The following PHKA1 variants were observed in gnomAD, a reference collection of about 807,000 sequenced individuals.
PHKA1 encodes phosphorylase b kinase regulatory subunit alpha, skeletal muscle isoform.
Under a neutral mutation model 110.2 loss-of-function variants are expected in PHKA1, and 60 were observed. The ratio of observed to expected loss-of-function variants is 0.54; its 90% CI spans 0.44 to 0.68. The LOEUF (loss-of-function observed/expected upper bound fraction) is 0.68, where lower values mean the gene tolerates loss of function less well. PHKA1 is among the 30% of genes least tolerant of loss of function. The pLI is 0.00. For missense variants in PHKA1, 801 were observed against 942.5 expected (o/e 0.85, Z 1.97); for synonymous variants, 316 against 333.6 (o/e 0.95, Z 0.58).
chrX:72,584,358 A>G, intron 29 of PHKA1, 56 bp from the exon 30 acceptor site: 1 of 1,039,605 alleles, frequency 9.6e-7, no homozygotes, highest in Non-Finnish European at 1.4e-6. Flanking sequence ...AGGATAGACA[A>G]ACAACGGGGA....
At chrX:72,586,815 C>T (rs967855422) in intron 29 of PHKA1, among the ~76,000 whole-genome samples, 4 of 109,058 alleles carry the variant, frequency 3.7e-5, no homozygotes, top group Non-Finnish European at 7.6e-5. Flanking sequence ...CTCAATCAAG[C>T]GGAAGAAAGG....
chrX:72,603,764 C>A (rs1236092938), intron 25 of PHKA1, among the ~76,000 whole-genome samples: 3 of 111,089 alleles, frequency 2.7e-5, no homozygotes, highest in Non-Finnish European at 5.7e-5. Flanking sequence ...GGTATGACGA[C>A]ATGATACCTA....
In PHKA1 at chrX:72,580,686, G is replaced by T; in HGVS notation, c.*316C>A. 3.2e-6 allele frequency: 1 copy of T among 317,391 alleles called. No individual in the cohort carries two copies. Among genetic ancestry groups the T allele is most frequent in the South Asian group, 5.4e-5 (1 of 18,369 alleles). 26.2% of individuals were successfully genotyped at this position (317,391 alleles called of 1,213,427 possible). On this transcript the variant is annotated 3_prime_UTR_variant, in exon 32 of 32. Coordinates refer to ENST00000373542, the MANE Select transcript of PHKA1 (RefSeq NM_002637.4). ...CAAACAGGAGTTAGAAAACTATATT[G>T]GTAACAGATCTAGAGAATAAAAACA...
At chrX:72,588,017 G>C (rs1189160830) in intron 29 of PHKA1, among the ~76,000 whole-genome samples, 1 of 111,549 alleles carries the variant, frequency 9.0e-6, no homozygotes, top group Non-Finnish European at 1.9e-5. Context: ...ATATTAGACA[G>C]ATCAATGAGA....
chrX:72,676,268 T>C, intron 5 of PHKA1, 118 bp from the exon 6 acceptor site: 1 of 475,093 alleles, frequency 2.1e-6, no homozygotes, highest in Admixed American at 3.3e-5. Flanking sequence ...GCCATATATA[T>C]ATATATATAC....
intron 14 of PHKA1, among the ~76,000 whole-genome samples, chrX:72,638,334 G>A (rs1603261283): frequency 2.0e-5 from 2 of 99,157 alleles, no homozygotes; most frequent in Non-Finnish European, 4.0e-5. Context: ...GAGCGCAAGA[G>A]TTTGTGACCA....
chrX:72,617,351 A>G (rs1322292266), intron 21 of PHKA1, among the ~76,000 whole-genome samples: 2 of 111,130 alleles, frequency 1.8e-5, no homozygotes, highest in African/African-American at 6.6e-5. Context: ...CCTCATTTCT[A>G]TAAATAATTA....
intron 12 of PHKA1, 77 bp from the exon 13 acceptor site, chrX:72,650,545 A>G: frequency 1.3e-6 from 1 of 784,792 alleles, no homozygotes; most frequent in Non-Finnish European, 1.9e-6. Flanking sequence ...CAACATCCCT[A>G]TGCCCATAAC....
At position 72,597,888 on chromosome X, in the gene PHKA1, G is replaced by T. The variant is rs1448669942; in HGVS notation, c.3072+4103C>A. On this transcript the variant is annotated intron_variant, in intron 28 of 31. Coordinates refer to ENST00000373542, the MANE Select transcript of PHKA1 (RefSeq NM_002637.4). Reference sequence around the variant, plus strand: ...CATAATCATAGACCTAAATAAAACAGCTAACTCTATAAAACCCTTAGAACA... The same window carrying T: ...CATAATCATAGACCTAAATAAAACATCTAACTCTATAAAACCCTTAGAACA... Among the ~76,000 whole-genome samples, 6 of 111,105 alleles carry T rather than the reference G, an allele frequency of 5.4e-5. No individual in the cohort carries two copies. The East Asian group carries it at 1.7e-3, about 31-fold the overall frequency.
At chrX:72,689,218 C>T (rs886368462) in intron 4 of PHKA1, among the ~76,000 whole-genome samples, 4 of 111,927 alleles carry the variant, frequency 3.6e-5, no homozygotes, top group South Asian at 3.7e-4. Context: ...ATATATTCAA[C>T]GGTTTTTAGT....
At chrX:72,619,569 G>A (rs782815060) in intron 19 of PHKA1, among the ~76,000 whole-genome samples, 1 of 112,216 alleles carries the variant, frequency 8.9e-6, no homozygotes, top group South Asian at 3.7e-4. Context: ...TTACTAATGT[G>A]ATTAATCCAC....
chrX:72,595,903 A>C (rs2052583735), intron 28 of PHKA1, among the ~76,000 whole-genome samples: 2 of 112,141 alleles, frequency 1.8e-5, no homozygotes, highest in Admixed American at 9.5e-5. Flanking sequence ...TCAAAAATTA[A>C]AAATAGAACT....
At chrX:72,669,469 T>A (rs1219561627) in intron 6 of PHKA1, among the ~76,000 whole-genome samples, 1 of 108,765 alleles carries the variant, frequency 9.2e-6, no homozygotes, top group Non-Finnish European at 1.9e-5. Flanking sequence ...CATGTTGGTG[T>A]GCTGCACCCA....
chrX:72,669,373 T>C (rs1341930397), intron 6 of PHKA1, among the ~76,000 whole-genome samples: 1 of 111,199 alleles, frequency 9.0e-6, no homozygotes, highest in Non-Finnish European at 1.9e-5. Context: ...GTTGTTGTTG[T>C]TGTTTTTAAT....
At chrX:72,695,979 A>G (rs1483139395) in intron 3 of PHKA1, 103 bp from the exon 4 acceptor site, 8 of 672,828 alleles carry the variant, frequency 1.2e-5, no homozygotes, top group Non-Finnish European at 1.9e-5. Flanking sequence ...GTGAAGATAC[A>G]CTATCTTCAG....
intron 18 of PHKA1, chrX:72,622,649 C>CT (rs2052996898): frequency 1.3e-6 from 1 of 750,410 alleles, no homozygotes; most frequent in Non-Finnish European, 1.6e-6. Context: ...ACTGAATAGG[C>CT]TTTTTCAAAC....
In PHKA1 at chrX:72,619,270, C is replaced by G. The variant is rs781968962; in HGVS notation, c.2173G>C (p.Ala725Pro). 8.4e-7 allele frequency: 1 copy of G among 1,188,929 alleles called. No homozygotes were observed. Among genetic ancestry groups the G allele is most frequent in the Non-Finnish European group, 1.1e-6 (1 of 875,394 alleles). Residue 725 changes from alanine (A) to proline (P), a missense_variant, in exon 20 of 32, where the codon GCT becomes CCT. Ala to Pro is a conservative substitution (Grantham distance 27, BLOSUM62 -1). This residue lies in a region of PHKA1 where 502 missense variants were observed against 519.2 expected (regional missense o/e 0.97). Transcript: ENST00000373542. Reference sequence around the variant, plus strand: ...AGTAAGTTGAATGAAGGCCGGGAAGCCTGAAATAACTTCGTAGGAAGATAC... The same window carrying G: ...AGTAAGTTGAATGAAGGCCGGGAAGGCTGAAATAACTTCGTAGGAAGATAC... ...HMYLPTKLFQ[A>P]SRPSFNLLDS...
chrX:72,672,814 C>T (rs1603268015), intron 6 of PHKA1, among the ~76,000 whole-genome samples: 1 of 112,311 alleles, frequency 8.9e-6, no homozygotes, highest in East Asian at 2.8e-4. Context: ...AAATTCACAT[C>T]ATGTGCTTCC....
chrX:72,698,974 C>T lies in PHKA1; in HGVS notation c.286-3098G>A, dbSNP rs781928220. Among the ~76,000 whole-genome samples, 168 of 111,301 alleles carry T rather than the reference C, an allele frequency of 1.5e-3. 1 individual carries two copies. The highest frequency in any genetic ancestry group is 2.3e-3 in the Non-Finnish European group (120 of 53,090). On this transcript the variant is annotated intron_variant, in intron 3 of 31. Transcript: ENST00000373542. ...CAGGGTAAAACAATTAAAATAATTA[C>T]GTAAATGTAATAGGATAAGTACTTG...
Sources: allele counts gnomAD v4.1 joint callset (sites outside exome capture counted in the v4.1 genomes callset), GRCh38; gene constraint gnomAD v4.1.1; regional missense constraint gnomAD v4.1.1; transcripts MANE v1.5; gene names NCBI Gene and HGNC (gene_info 2026-07-23, HGNC 2026-07-21).